The following LRP1B variants were observed in gnomAD, a reference collection of about 807,000 sequenced individuals.
The protein encoded by LRP1B is low-density lipoprotein receptor-related protein 1B.
Under a neutral mutation model 556.6 loss-of-function variants are expected in LRP1B, and 217 were observed. The observed-to-expected ratio is 0.39, with a 90% confidence interval of 0.35 to 0.44. The LOEUF (loss-of-function observed/expected upper bound fraction) is 0.44, where lower values mean the gene tolerates loss of function less well. Among genes scored for constraint, LRP1B ranks in the 20% least tolerant of loss-of-function variants. LRP1B has a pLI of 1.00. For missense variants in LRP1B, 5,053 were observed against 5,620.8 expected (o/e 0.90, Z 3.23); for synonymous variants, 2,047 against 1,865.8 (o/e 1.10, Z -2.50).
chr2:141,377,206 C>A (rs1309614564), intron 3 of LRP1B, among the ~76,000 whole-genome samples: 4 of 151,966 alleles, frequency 2.6e-5, no homozygotes, highest in Admixed American at 2.0e-4. Context: ...AAATTTGTTT[C>A]CCGATCAAAT....
At chr2:141,065,175 T>C (rs1476971667) in intron 7 of LRP1B, among the ~76,000 whole-genome samples, 1 of 151,954 alleles carries the variant, frequency 6.6e-6, no homozygotes, top group African/African-American at 2.4e-5. Context: ...ATTCACCAGT[T>C]GTTTACATTT....
intron 1 of LRP1B, among the ~76,000 whole-genome samples, chr2:142,016,822 A>G (rs541007961): frequency 3.3e-4 from 50 of 150,138 alleles, no homozygotes; most frequent in African/African-American, 1.2e-3. Flanking sequence ...AACTTAAAGT[A>G]TATATATATA....
intron 71 of LRP1B, among the ~76,000 whole-genome samples, chr2:140,366,197 T>C (rs1682752107): frequency 6.6e-6 from 1 of 151,632 alleles, no homozygotes; most frequent in Admixed American, 6.6e-5. Flanking sequence ...GAAGAACTGA[T>C]GGTAACCTGA....
At chr2:140,318,757 T>C (rs1684643114) in intron 82 of LRP1B, among the ~76,000 whole-genome samples, 1 of 152,124 alleles carries the variant, frequency 6.6e-6, no homozygotes, top group South Asian at 2.1e-4. Flanking sequence ...TGCCACCATT[T>C]ACTAAGTAAT....
intron 35 of LRP1B, among the ~76,000 whole-genome samples, chr2:140,729,859 A>G (rs1687717747): frequency 6.6e-6 from 1 of 152,230 alleles, no homozygotes; most frequent in Non-Finnish European, 1.5e-5. Flanking sequence ...AGCTAGATGA[A>G]TGAATGATCA....
At chr2:141,286,566 T>G (rs1381300200) in intron 3 of LRP1B, among the ~76,000 whole-genome samples, 2 of 152,202 alleles carry the variant, frequency 1.3e-5, no homozygotes, top group African/African-American at 4.8e-5. Context: ...TTAATAAAAT[T>G]AGCCAATTAA....
At position 140,950,357 on chromosome 2, in the gene LRP1B, G is replaced by C. The variant is rs1013885192; in HGVS notation, c.3014C>G (p.Ser1005Cys). The change falls in exon 20 of 91, where the codon TCT (serine) becomes TGT (cysteine). Residue 1005 changes from serine to cysteine, a missense_variant. Physicochemically the swap from Ser to Cys is moderately radical, Grantham distance 112 (BLOSUM62 -1). Transcript: ENST00000389484. Reference sequence around the variant, plus strand: ...ACATCTGAACTGATTATCAAAGCAAGAGTGAACACAGCCCACCTCATCACT... The same window carrying C: ...ACATCTGAACTGATTATCAAAGCAACAGTGAACACAGCCCACCTCATCACT... ...DGSDEVGCVH[S>C]CFDNQFRCSS... is the part of the protein sequence containing the mutation. 6.2e-7 allele frequency: 1 copy of C among 1,612,714 alleles called. No homozygotes were observed. The highest frequency in any genetic ancestry group is 1.1e-5 in the South Asian group (1 of 90,828).
intron 77 of LRP1B, among the ~76,000 whole-genome samples, chr2:140,350,305 G>A (rs1053100015): frequency 6.6e-6 from 1 of 151,888 alleles, no homozygotes; most frequent in Non-Finnish European, 1.5e-5. Context: ...TTCTGTTTTG[G>A]ATATTTCCTG....
chr2:141,191,303 C>G (rs1350397863), intron 6 of LRP1B, among the ~76,000 whole-genome samples: 1 of 151,922 alleles, frequency 6.6e-6, no homozygotes, highest in African/African-American at 2.4e-5. Flanking sequence ...AGCTGGAGAA[C>G]TTAAAACAGG....
At chr2:141,677,994 C>T (rs1187084681) in intron 2 of LRP1B, among the ~76,000 whole-genome samples, 45 of 152,066 alleles carry the variant, frequency 3.0e-4, no homozygotes, top group Admixed American at 3.0e-3. Flanking sequence ...ATAGATATTT[C>T]CTAGTTTTCC....
rs144595456 is a variant in LRP1B, at chr2:141,769,087, T to C, written c.205+41192A>G. Among the ~76,000 whole-genome samples, 356 of 152,308 alleles carry C rather than the reference T, an allele frequency of 2.3e-3. 6 individuals carry two copies. The highest frequency in any genetic ancestry group is 8.3e-3 in the African/African-American group (346 of 41,572). ...TCTGTAATTCAAAGTCACATGACTC[T>C]TATAGGTGAAGATGAGATTCCAAAC... On this transcript the variant is annotated intron_variant, in intron 2 of 90. Transcript: ENST00000389484.
intron 2 of LRP1B, among the ~76,000 whole-genome samples, chr2:141,596,945 G>A (rs1687545892): frequency 6.6e-6 from 1 of 151,720 alleles, no homozygotes; most frequent in Non-Finnish European, 1.5e-5. Context: ...AGGTTTAGTA[G>A]TTACTACCTA....
intron 59 of LRP1B, among the ~76,000 whole-genome samples, chr2:140,483,803 G>A (rs957644875): frequency 2.6e-5 from 4 of 151,378 alleles, no homozygotes; most frequent in African/African-American, 9.7e-5. Context: ...ACCACGCCTG[G>A]CTAATTTTTG....
At chr2:141,823,062 A>G (rs758226601) in intron 1 of LRP1B, among the ~76,000 whole-genome samples, 23 of 152,054 alleles carry the variant, frequency 1.5e-4, no homozygotes, top group Non-Finnish European at 3.1e-4. Flanking sequence ...GAAAAATACC[A>G]CTTTCCACTA....
At chr2:141,893,346 G>A (rs938817894) in intron 1 of LRP1B, among the ~76,000 whole-genome samples, 3 of 151,982 alleles carry the variant, frequency 2.0e-5, no homozygotes, top group Non-Finnish European at 2.9e-5. Flanking sequence ...GATTACAGGC[G>A]TGTGCCACCG....
rs775576684 is a variant in LRP1B at position 140,509,996 on chromosome 2, C to T, written c.8330G>A (p.Arg2777Gln). ...SCQGSRACVP[R>Q]HWLCDGERDC... ...CCTTTCACCATCACAAAGCCAATGTCGGGGCACGCAGGCACGAGAGCCCTG... is the reference window on the plus strand; with the variant it reads ...CCTTTCACCATCACAAAGCCAATGTTGGGGCACGCAGGCACGAGAGCCCTG... Residue 2777 changes from arginine (R) to glutamine (Q), a missense_variant, in exon 52 of 91, where the codon CGA becomes CAA. This residue lies in a region of LRP1B where 3,619 missense variants were observed against 3,931.9 expected (regional missense o/e 0.92). Coordinates refer to ENST00000389484, the MANE Select transcript of LRP1B (RefSeq NM_018557.3). 2.0e-5 allele frequency: 32 copies of T among 1,613,958 alleles called. No individual in the cohort carries two copies. The East Asian group carries it at 4.7e-4, about 24-fold the overall frequency.
In LRP1B at chr2:141,368,481, G is replaced by A. The variant is rs955030272; in HGVS notation, c.343+111915C>T. Among the ~76,000 whole-genome samples the A allele has an allele frequency of 2.0e-4, 31 of 152,256 alleles. 2 individuals are homozygous for A. The East Asian group carries it at 5.2e-3, about 26-fold the overall frequency. On this transcript the variant is annotated intron_variant, in intron 3 of 90. Coordinates refer to ENST00000389484, the MANE Select transcript of LRP1B (RefSeq NM_018557.3). ...TTGATGGAGAAGTTCCTTAGCTTTC[G>A]TACTACACATCCATCATATGAGGAC...
At chr2:141,342,449 C>A (rs114982532) in intron 3 of LRP1B, among the ~76,000 whole-genome samples, 1,934 of 151,824 alleles carry the variant, frequency 0.013, 30 homozygotes, top group African/African-American at 0.041. Context: ...TAATATCTTA[C>A]CAGTATGTGA....
intron 3 of LRP1B, among the ~76,000 whole-genome samples, chr2:141,314,823 TATATG>T (rs1387314145): frequency 1.5e-5 from 2 of 132,992 alleles, no homozygotes; most frequent in African/African-American, 2.8e-5. Flanking sequence ...TATATATATA[TATATG>T]TGTATATATA....
Sources: gnomAD v4.1 joint callset for allele counts (sites outside exome capture counted in the v4.1 genomes callset) on GRCh38, gnomAD v4.1.1 for gene constraint, gnomAD v4.1.1 regional missense constraint, MANE v1.5 for transcripts, NCBI Gene and HGNC (gene_info 2026-07-23, HGNC 2026-07-21) for gene names.